Variants in UBE2E2 observed in about 807,000 individuals in gnomAD.
The protein encoded by UBE2E2 is ubiquitin-conjugating enzyme E2 E2.
UBE2E2 carries 6 observed loss-of-function variants against 24.7 expected under a neutral mutation model. The ratio of observed to expected loss-of-function variants is 0.24; its 90% CI spans 0.13 to 0.48. The LOEUF (loss-of-function observed/expected upper bound fraction) is 0.48. Ranked by LOEUF, UBE2E2 falls within the 20% of genes least tolerant of loss-of-function variation. The probability of loss-of-function intolerance (pLI) is 0.99; values close to 1 mark genes in which losing one functional copy is unlikely to be tolerated. For synonymous variants in UBE2E2, 104 were observed against 83.6 expected, an observed-to-expected ratio of 1.24 and a Z score of -1.33; for missense variants, 169 against 245.0, an observed-to-expected ratio of 0.69 and a Z score of 2.07.
At chr3:23,234,182 GTCA>G (rs1697039327) in intron 3 of UBE2E2, among the ~76,000 whole-genome samples, 1 of 150,800 alleles carries the variant, frequency 6.6e-6, no homozygotes, top group Admixed American at 6.6e-5. Flanking sequence ...CATGGTTTCT[GTCA>G]TCATTCTCTG....
In UBE2E2 at chr3:23,299,849, C is replaced by G. The variant is rs567097914; in HGVS notation, c.227+82537C>G. 3.5e-4 allele frequency among the ~76,000 whole-genome samples: 54 copies of G among 152,220 alleles called. 1 individual carries two copies. The highest frequency in any genetic ancestry group is 5.1e-4 in the Non-Finnish European group (35 of 68,026). ...ATTCCTGGGTATCCTTGTTAACTTT[C>G]TGTCTCGTTGATCTGTCTAATGTTG... is the stretch of plus-strand genomic sequence containing the variant. On this transcript the variant is annotated intron_variant, in intron 3 of 5. Coordinates refer to ENST00000396703, the MANE Select transcript of UBE2E2 (RefSeq NM_152653.4).
At chr3:23,432,036 T>G (rs1698073518) in intron 3 of UBE2E2, among the ~76,000 whole-genome samples, 1 of 152,202 alleles carries the variant, frequency 6.6e-6, no homozygotes, top group African/African-American at 2.4e-5. Flanking sequence ...GTCATCACAC[T>G]GTAATGTACA....
intron 3 of UBE2E2, among the ~76,000 whole-genome samples, chr3:23,268,155 T>A (rs13096103): frequency 0.84 from 124,087 of 147,834 alleles, 52,232 homozygotes; most frequent in African/African-American, 0.9. Flanking sequence ...CAAGACAGGT[T>A]TTCCCTCTCT....
At chr3:23,220,260 TA>T (rs1223680739) in intron 3 of UBE2E2, among the ~76,000 whole-genome samples, 2 of 152,332 alleles carry the variant, frequency 1.3e-5, no homozygotes, top group Non-Finnish European at 2.9e-5. Flanking sequence ...TTATTTCATG[TA>T]GGAGATATTT....
intron 3 of UBE2E2, among the ~76,000 whole-genome samples, chr3:23,380,689 G>A (rs917178939): frequency 6.6e-6 from 1 of 152,170 alleles, no homozygotes; most frequent in African/African-American, 2.4e-5. Flanking sequence ...CTGTTGGAAT[G>A]CTTATGCACC....
chr3:23,550,847 C>T (rs1271935266), intron 5 of UBE2E2, among the ~76,000 whole-genome samples: 1 of 152,114 alleles, frequency 6.6e-6, no homozygotes, highest in Non-Finnish European at 1.5e-5. Flanking sequence ...AGATGGCTAG[C>T]ATTTGTGGGG....
chr3:23,242,905 G>C (rs913480560), intron 3 of UBE2E2, among the ~76,000 whole-genome samples: 1 of 151,954 alleles, frequency 6.6e-6, no homozygotes, highest in African/African-American at 2.4e-5. Flanking sequence ...GGCCAACATG[G>C]TGAAACCCTG....
chr3:23,516,163 C>G (rs1694736159), intron 4 of UBE2E2, among the ~76,000 whole-genome samples: 1 of 152,152 alleles, frequency 6.6e-6, no homozygotes, highest in Non-Finnish European at 1.5e-5. Context: ...TTTCTAGATA[C>G]ATAGTTTAAG....
chr3:23,460,930 G>A (rs934635538), intron 3 of UBE2E2, among the ~76,000 whole-genome samples: 2 of 152,134 alleles, frequency 1.3e-5, no homozygotes, highest in Non-Finnish European at 2.9e-5. Flanking sequence ...TTACAATACT[G>A]TTTTAAATCA....
chr3:23,391,646 TA>T (rs1696937466), intron 3 of UBE2E2, among the ~76,000 whole-genome samples: 1 of 152,198 alleles, frequency 6.6e-6, no homozygotes. Context: ...TTTTGTTTCC[TA>T]AGCTTATATA....
chr3:23,329,484 C>T (rs987440311), intron 3 of UBE2E2, among the ~76,000 whole-genome samples: 3 of 152,246 alleles, frequency 2.0e-5, no homozygotes, highest in Non-Finnish European at 4.4e-5. Context: ...AGGGCAGATT[C>T]TCTGCCAAAT....
At chr3:23,215,130 A>G (rs1696440081) in intron 2 of UBE2E2, among the ~76,000 whole-genome samples, 3 of 152,214 alleles carry the variant, frequency 2.0e-5, no homozygotes, top group Admixed American at 2.0e-4. Context: ...CCTATGAATA[A>G]CATGTTTTTT....
chr3:23,582,860 A>AGTGTGTATGT (rs376338155), intron 5 of UBE2E2, among the ~76,000 whole-genome samples: 1 of 116,748 alleles, frequency 8.6e-6, no homozygotes, highest in African/African-American at 3.5e-5. Flanking sequence ...TATTCTGTTG[A>AGTGTGTATGT]GTGTGTGTGT....
At chr3:23,355,063 G>A (rs1034399329) in intron 3 of UBE2E2, among the ~76,000 whole-genome samples, 7 of 151,956 alleles carry the variant, frequency 4.6e-5, no homozygotes, top group Non-Finnish European at 7.4e-5. Context: ...AAAATGATGA[G>A]TTCATGTCCT....
At chr3:23,515,300 TA>T (rs1694705219) in intron 4 of UBE2E2, among the ~76,000 whole-genome samples, 1 of 152,120 alleles carries the variant, frequency 6.6e-6, no homozygotes, top group South Asian at 2.1e-4. Flanking sequence ...CAAAGTGAAA[TA>T]GGAGATATTT....
chr3:23,557,016 T>C (rs1359528652), intron 5 of UBE2E2, among the ~76,000 whole-genome samples: 2 of 152,150 alleles, frequency 1.3e-5, no homozygotes, highest in Non-Finnish European at 2.9e-5. Flanking sequence ...CACAGACATA[T>C]CACCAAACTC....
chr3:23,312,093 C>T (rs1244676678), intron 3 of UBE2E2, among the ~76,000 whole-genome samples: 1 of 151,554 alleles, frequency 6.6e-6, no homozygotes, highest in Non-Finnish European at 1.5e-5. Context: ...CACCTCCCTC[C>T]TCTCTTTCTC....
At chr3:23,554,451 G>A (rs559147668) in intron 5 of UBE2E2, among the ~76,000 whole-genome samples, 1 of 152,192 alleles carries the variant, frequency 6.6e-6, no homozygotes, top group South Asian at 2.1e-4. Flanking sequence ...GGAGTTAGAG[G>A]TCACAGTGAG....
chr3:23,317,405 C>T (rs936316499), intron 3 of UBE2E2, among the ~76,000 whole-genome samples: 1 of 152,182 alleles, frequency 6.6e-6, no homozygotes, highest in Non-Finnish European at 1.5e-5. Context: ...TTGGTGTGCT[C>T]TCCGTCCCCC....
Sources: gnomAD v4.1 joint callset for allele counts (sites outside exome capture counted in the v4.1 genomes callset) on GRCh38, gnomAD v4.1.1 for gene constraint, MANE v1.5 for transcripts, NCBI Gene and HGNC (gene_info 2026-07-23, HGNC 2026-07-21) for gene names.